The following STAG1 variants were observed in gnomAD, a reference collection of about 807,000 sequenced individuals.
STAG1 encodes STAG1 cohesin complex component.
In STAG1, 26 loss-of-function variants were observed where a neutral mutation model predicts 170.9. That is an observed-to-expected ratio of 0.15 (90% confidence interval 0.11 to 0.21). The LOEUF is 0.21. Ranked by LOEUF, STAG1 falls within the 10% of genes least tolerant of loss-of-function variation. The pLI, the probability that STAG1 is intolerant of heterozygous loss-of-function variation, is 1.00. For missense variants in STAG1, 964 were observed against 1,509.5 expected (o/e 0.64, Z 5.99); for synonymous variants, 514 against 497.7 (o/e 1.03, Z -0.44).
At chr3:136,616,162 G>A (rs985448307) in intron 3 of STAG1, among the ~76,000 whole-genome samples, 12 of 151,922 alleles carry the variant, frequency 7.9e-5, no homozygotes, top group African/African-American at 2.9e-4. Context: ...CCAGCTACTC[G>A]GGAGGCTGAG....
At chr3:136,360,077 A>G (rs191811037) in intron 26 of STAG1, among the ~76,000 whole-genome samples, 4 of 152,356 alleles carry the variant, frequency 2.6e-5, no homozygotes, top group East Asian at 3.9e-4. Flanking sequence ...TATAAATTGC[A>G]TATCTGTTAG....
At chr3:136,548,876 AT>A (rs1936267327) in intron 5 of STAG1, among the ~76,000 whole-genome samples, 1 of 152,074 alleles carries the variant, frequency 6.6e-6, no homozygotes, top group South Asian at 2.1e-4. Flanking sequence ...TAGTAGGTGA[AT>A]TATCATAAGA....
chr3:136,589,006 C>T (rs1030005869), intron 4 of STAG1, among the ~76,000 whole-genome samples: 6 of 152,140 alleles, frequency 3.9e-5, no homozygotes, highest in African/African-American at 1.4e-4. Flanking sequence ...TGTGATCTAC[C>T]CGCCTTCGTC....
At chr3:136,689,144 T>C (rs1197195154) in intron 1 of STAG1, among the ~76,000 whole-genome samples, 1 of 152,220 alleles carries the variant, frequency 6.6e-6, no homozygotes, top group African/African-American at 2.4e-5. Flanking sequence ...CAAGAATAAT[T>C]TTGGCCATGG....
rs1265640245 is a variant in STAG1 at position 136,433,621 on chromosome 3, T to C, written c.1585A>G (p.Met529Val). The C allele has an allele frequency of 6.2e-7, 1 of 1,607,782 alleles. No homozygotes were observed. Among genetic ancestry groups the C allele is most frequent in the Non-Finnish European group, 8.5e-7 (1 of 1,177,778 alleles). ...GCAGCTTGACGAATTGTACAAACCA[T>C]TAGCTCTATAAGAGCACTCTCTTGA... ...DRQESALIEL[M>V]VCTIRQAAEA... Residue 529 changes from methionine to valine, a missense_variant, in exon 16 of 34, where the codon ATG becomes GTG. Transcript: ENST00000383202.
intron 1 of STAG1, among the ~76,000 whole-genome samples, chr3:136,731,031 T>G (rs1352905400): frequency 6.6e-6 from 1 of 152,196 alleles, no homozygotes; most frequent in Non-Finnish European, 1.5e-5. Context: ...GGACCACACT[T>G]TAAGAACCAC....
intron 6 of STAG1, among the ~76,000 whole-genome samples, chr3:136,538,726 T>C (rs1935759041): frequency 6.7e-6 from 1 of 150,352 alleles, no homozygotes; most frequent in South Asian, 2.2e-4. Flanking sequence ...GACCACCACA[T>C]AGTTACTTCT....
chr3:136,621,824 C>T (rs1433205238), intron 3 of STAG1, among the ~76,000 whole-genome samples: 1 of 151,936 alleles, frequency 6.6e-6, no homozygotes, highest in Non-Finnish European at 1.5e-5. Flanking sequence ...ACTGGTTAAG[C>T]AACATAACCA....
chr3:136,386,869 A>G (rs181487684), intron 22 of STAG1, among the ~76,000 whole-genome samples: 1 of 152,362 alleles, frequency 6.6e-6, no homozygotes, highest in African/African-American at 2.4e-5. Flanking sequence ...AAAACTAATT[A>G]GTAAACACAT....
intron 21 of STAG1, among the ~76,000 whole-genome samples, chr3:136,413,041 T>G (rs1323175135): frequency 1.3e-5 from 2 of 151,338 alleles, no homozygotes; most frequent in Non-Finnish European, 2.9e-5. Flanking sequence ...TTTTTGTATT[T>G]TTAGTACAGA....
At chr3:136,587,207 T>C (rs1305356535) in intron 4 of STAG1, among the ~76,000 whole-genome samples, 1 of 151,876 alleles carries the variant, frequency 6.6e-6, no homozygotes. Flanking sequence ...CAAATATTAA[T>C]CTATCATCTG....
Position 136,463,746 on chromosome 3 carries a change from T to C in STAG1, c.1313+1135A>G, listed in dbSNP as rs778663558. ...AAAAAAATGTGTATATGTGTGTGTG[T>C]GTGTGTGTGTGTGTGTGTGTGTATA... On this transcript the variant is annotated intron_variant, in intron 13 of 33. Coordinates refer to ENST00000383202, the MANE Select transcript of STAG1 (RefSeq NM_005862.3). 1.3e-3 allele frequency among the ~76,000 whole-genome samples: 103 copies of C among 79,580 alleles called. 1 individual carries two copies. Among genetic ancestry groups the C allele is most frequent in the Middle Eastern group, 6.5e-3 (1 of 154 alleles). 52.2% of individuals were successfully genotyped at this position (79,580 alleles called of 152,430 possible).
intron 7 of STAG1, among the ~76,000 whole-genome samples, chr3:136,508,230 T>C (rs1052017933): frequency 1.3e-5 from 2 of 152,214 alleles, no homozygotes; most frequent in Non-Finnish European, 2.9e-5. Context: ...TTGTAGATAT[T>C]CCTTGAAGGA....
chr3:136,666,121 G>T (rs537247284), intron 1 of STAG1, among the ~76,000 whole-genome samples: 1 of 117,414 alleles, frequency 8.5e-6, no homozygotes, highest in Admixed American at 9.0e-5. Context: ...AGAAAGAAAT[G>T]CAAGTGGTCT....
chr3:136,634,544 C>G (rs1188879487), intron 1 of STAG1, among the ~76,000 whole-genome samples: 1 of 139,712 alleles, frequency 7.2e-6, no homozygotes, highest in Non-Finnish European at 1.5e-5. Flanking sequence ...CACAATATAT[C>G]AAAATGTATG....
intron 13 of STAG1, among the ~76,000 whole-genome samples, chr3:136,459,584 CA>C (rs2089218450): frequency 6.6e-6 from 1 of 152,078 alleles, no homozygotes; most frequent in South Asian, 2.1e-4. Flanking sequence ...TTTCTAGTAG[CA>C]AATGAAATAT....
At chr3:136,534,552 G>GA (rs553860808) in intron 6 of STAG1, among the ~76,000 whole-genome samples, 114 of 149,100 alleles carry the variant, frequency 7.6e-4, no homozygotes, top group Middle Eastern at 3.5e-3. Flanking sequence ...ACTCAACAAT[G>GA]AAAAAAAAAC....
At chr3:136,701,469 ATT>A (rs1943059179) in intron 1 of STAG1, among the ~76,000 whole-genome samples, 1 of 152,126 alleles carries the variant, frequency 6.6e-6, no homozygotes, top group South Asian at 2.1e-4. Flanking sequence ...TACCCTACAC[ATT>A]TTCAGACAAA....
intron 6 of STAG1, among the ~76,000 whole-genome samples, chr3:136,523,201 C>T (rs1015920549): frequency 2.8e-4 from 42 of 152,142 alleles, no homozygotes; most frequent in Admixed American, 2.0e-3. Flanking sequence ...TAAAAGTGTT[C>T]CTATTTCTCC....
Sources: gnomAD v4.1 joint callset for allele counts (sites outside exome capture counted in the v4.1 genomes callset) on GRCh38, gnomAD v4.1.1 for gene constraint, MANE v1.5 for transcripts, NCBI Gene and HGNC (gene_info 2026-07-23, HGNC 2026-07-21) for gene names.